Variants in CNTN1 observed in about 807,000 individuals in gnomAD.
CNTN1 encodes contactin 1.
CNTN1 carries 38 observed loss-of-function variants against 126.4 expected under a neutral mutation model. The observed-to-expected ratio is 0.30, with a 90% CI of 0.23 to 0.39. The LOEUF is 0.39. Ranked by LOEUF, CNTN1 falls within the 10% of genes least tolerant of loss-of-function variation. The probability of loss-of-function intolerance (pLI) is 1.00; values close to 1 mark genes in which losing one functional copy is unlikely to be tolerated. For missense variants in CNTN1, 1,009 were observed against 1,248.4 expected (o/e 0.81, Z 2.89); for synonymous variants, 413 against 422.6 (o/e 0.98, Z 0.28).
At chr12:40,810,634 A>G (rs1941027369) in intron 1 of CNTN1, among the ~76,000 whole-genome samples, 1 of 151,584 alleles carries the variant, frequency 6.6e-6, no homozygotes, top group African/African-American at 2.4e-5. Flanking sequence ...GTGAGATTAC[A>G]TAGTATTTAT....
chr12:40,967,722 GA>G (rs1947358208), intron 15 of CNTN1, among the ~76,000 whole-genome samples: 2 of 151,948 alleles, frequency 1.3e-5, no homozygotes, highest in Admixed American at 1.3e-4. Flanking sequence ...GATAATCAGA[GA>G]TACCTACAAG....
intron 1 of CNTN1, among the ~76,000 whole-genome samples, chr12:40,792,455 C>A (rs554692963): frequency 1.1e-4 from 16 of 151,754 alleles, no homozygotes; most frequent in Non-Finnish European, 1.2e-4. Flanking sequence ...TATTTAATGA[C>A]TTTTATTTGT....
At chr12:40,940,090 T>C (rs1398912034) in intron 12 of CNTN1, among the ~76,000 whole-genome samples, 3 of 152,076 alleles carry the variant, frequency 2.0e-5, no homozygotes, top group African/African-American at 7.2e-5. Flanking sequence ...ATATGTATCC[T>C]AGAAGAAGTA....
intron 21 of CNTN1, 91 bp downstream of exon 21, chr12:41,025,427 G>A: frequency 8.1e-7 from 1 of 1,231,374 alleles, no homozygotes; most frequent in Admixed American, 1.7e-5. Flanking sequence ...TTCCTACCTA[G>A]CTACCTGAGC....
chr12:40,911,297 G>C (rs1210545195), intron 3 of CNTN1, among the ~76,000 whole-genome samples: 1 of 152,010 alleles, frequency 6.6e-6, no homozygotes, highest in Non-Finnish European at 1.5e-5. Context: ...AGCCAGGATG[G>C]TCTCAATCTC....
chr12:40,822,959 A>C (rs1369859544), intron 1 of CNTN1, among the ~76,000 whole-genome samples: 1 of 152,066 alleles, frequency 6.6e-6, no homozygotes, highest in East Asian at 1.9e-4. Context: ...GTCCACGTGT[A>C]CCCAATGTTT....
intron 16 of CNTN1, among the ~76,000 whole-genome samples, chr12:40,987,084 T>C (rs745856110): frequency 2.0e-5 from 3 of 152,152 alleles, no homozygotes; most frequent in Non-Finnish European, 4.4e-5. Flanking sequence ...TTTTTGTTAG[T>C]GTACTAGTGA....
chr12:40,811,112 A>T (rs73116758), intron 1 of CNTN1, among the ~76,000 whole-genome samples: 3,474 of 152,298 alleles, frequency 0.023, 128 homozygotes, highest in African/African-American at 0.078. Flanking sequence ...TTACTTGGTT[A>T]TTGAGAATAA....
intron 3 of CNTN1, among the ~76,000 whole-genome samples, chr12:40,911,847 A>G (rs1334324750): frequency 1.3e-5 from 2 of 152,204 alleles, no homozygotes; most frequent in East Asian, 3.9e-4. Flanking sequence ...CGCTAGCAAG[A>G]GTAATGGCAT....
At chr12:40,977,960 T>C (rs1947726039) in intron 15 of CNTN1, among the ~76,000 whole-genome samples, 1 of 151,966 alleles carries the variant, frequency 6.6e-6, no homozygotes, top group Non-Finnish European at 1.5e-5. Flanking sequence ...TGTACTGCCA[T>C]GCCAGCTGAT....
At chr12:40,714,954 G>A (rs1942012650) in intron 1 of CNTN1, among the ~76,000 whole-genome samples, 1 of 151,970 alleles carries the variant, frequency 6.6e-6, no homozygotes, top group South Asian at 2.1e-4. Flanking sequence ...ATTCTGCAGT[G>A]GATTGAAAAA....
intron 1 of CNTN1, among the ~76,000 whole-genome samples, chr12:40,760,624 G>T (rs1938821727): frequency 6.6e-6 from 1 of 151,874 alleles, no homozygotes; most frequent in Admixed American, 6.6e-5. Flanking sequence ...ATATTATTTT[G>T]TGATTTTAAA....
intron 1 of CNTN1, among the ~76,000 whole-genome samples, chr12:40,904,093 A>G (rs1944712916): frequency 2.0e-5 from 3 of 152,166 alleles, no homozygotes; most frequent in African/African-American, 7.2e-5. Flanking sequence ...ATCTCGGCTC[A>G]CTGCAAGCTC....
intron 23 of CNTN1, among the ~76,000 whole-genome samples, chr12:41,030,098 G>A (rs145344441): frequency 7.5e-4 from 114 of 151,732 alleles, no homozygotes; most frequent in African/African-American, 2.6e-3. Flanking sequence ...TGGTTAATCT[G>A]TACAACAAAC....
At chr12:40,718,759 G>C (rs1942114596) in intron 1 of CNTN1, among the ~76,000 whole-genome samples, 1 of 152,170 alleles carries the variant, frequency 6.6e-6, no homozygotes, top group African/African-American at 2.4e-5. Context: ...GAGTCAATAA[G>C]TGATAGGGCT....
intron 1 of CNTN1, among the ~76,000 whole-genome samples, chr12:40,721,648 C>G (rs1300741261): frequency 1.4e-5 from 2 of 146,954 alleles, no homozygotes; most frequent in Non-Finnish European, 3.0e-5. Context: ...TGTGCTGCAC[C>G]CATTAACTCG....
chr12:40,866,947 C>A (rs1943317888), intron 1 of CNTN1, among the ~76,000 whole-genome samples: 1 of 152,196 alleles, frequency 6.6e-6, no homozygotes, highest in South Asian at 2.1e-4. Flanking sequence ...TTTTTAAGGG[C>A]CAGGCCTAAA....
intron 1 of CNTN1, among the ~76,000 whole-genome samples, chr12:40,725,173 C>T (rs566679176): frequency 2.0e-4 from 30 of 151,916 alleles, no homozygotes; most frequent in Middle Eastern, 3.4e-3. Context: ...AGGCCAAGGC[C>T]GGTGGATCAC....
intron 1 of CNTN1, among the ~76,000 whole-genome samples, chr12:40,884,877 C>G (rs1404219854): frequency 6.6e-6 from 1 of 151,632 alleles, no homozygotes; most frequent in Admixed American, 6.6e-5. Flanking sequence ...ATATATACAA[C>G]TTAAATTTTT....
Sources: allele counts gnomAD v4.1 joint callset (sites outside exome capture counted in the v4.1 genomes callset), GRCh38; gene constraint gnomAD v4.1.1; transcripts MANE v1.5; gene names NCBI Gene and HGNC (gene_info 2026-07-23, HGNC 2026-07-21).